The following F5 variants were observed in gnomAD, a reference collection of about 807,000 sequenced individuals.
F5 encodes coagulation factor V.
Under a neutral mutation model 216.4 loss-of-function variants are expected in F5, and 138 were observed. The observed-to-expected ratio is 0.64, with a 90% CI of 0.56 to 0.73. F5 has a LOEUF of 0.73. F5 is among the 30% of genes least tolerant of loss of function. The pLI is 0.00. For synonymous variants in F5, 916 were observed against 930.7 expected, an observed-to-expected ratio of 0.98 and a Z score of 0.29; for missense variants, 2,403 against 2,674.0, an observed-to-expected ratio of 0.90 and a Z score of 2.24.
At chr1:169,543,943 T>C (rs771815218) in intron 12 of F5, among the ~76,000 whole-genome samples, 1 of 152,188 alleles carries the variant, frequency 6.6e-6, no homozygotes, top group Non-Finnish European at 1.5e-5. Flanking sequence ...TACCTGATGA[T>C]TGAAGATGAC....
chr1:169,559,818 A>G (rs558980050), intron 4 of F5, among the ~76,000 whole-genome samples: 1 of 152,318 alleles, frequency 6.6e-6, no homozygotes, highest in African/African-American at 2.4e-5. Flanking sequence ...CCATCACAGT[A>G]TCTTATATAT....
intron 23 of F5, 110 bp downstream of exon 23, chr1:169,518,302 G>C: frequency 3.3e-5 from 44 of 1,333,098 alleles, no homozygotes; most frequent in Non-Finnish European, 4.6e-5. Context: ...TTAATCTGCA[G>C]AAACAGATTA....
intron 4 of F5, 39 bp downstream of exon 4, chr1:169,560,515 A>G (rs767561494): frequency 4.4e-6 from 7 of 1,599,598 alleles, no homozygotes; most frequent in Non-Finnish European, 6.0e-6. Context: ...GACCATTCCA[A>G]CATTTAGTTG....
chr1:169,544,403 G>T lies in F5; in HGVS notation c.1868C>A (p.Thr623Asn), dbSNP rs375755399. 7 of 1,614,124 alleles carry T rather than the reference G, an allele frequency of 4.3e-6. No homozygotes were observed. Among genetic ancestry groups the T allele is most frequent in the South Asian group, 1.1e-5 (1 of 91,080 alleles). Residue 623 changes from threonine to asparagine, a missense_variant, in exon 12 of 25, where the codon ACC (threonine) becomes AAC (asparagine). By Grantham distance (65) the Thr-to-Asn change is moderately conservative (BLOSUM62 0). Around this residue, in one of 4 missense-constraint regions of F5, gnomAD observed 1,425 missense variants for 1,554.8 expected, o/e 0.92. Coordinates refer to ENST00000367797, the MANE Select transcript of F5 (RefSeq NM_000130.5). ...CSVGTQNEIL[T>N]IHFTGHSFIY... The stretch of plus-strand genomic sequence containing the variant: ...GAATGAGTGCCCAGTGAAGTGGATG[G>T]TCAAAATTTCATTCTGGGTCCCCAC...
At chr1:169,552,853 A>T (rs1660205679) in intron 7 of F5, 119 bp from the exon 8 acceptor site, 1 of 769,548 alleles carries the variant, frequency 1.3e-6, no homozygotes, top group Non-Finnish European at 2.1e-6. Flanking sequence ...AGTTCTCTAA[A>T]AATTTCTTAG....
intron 21 of F5, among the ~76,000 whole-genome samples, chr1:169,522,551 G>T (rs564051002): frequency 1.3e-4 from 20 of 152,138 alleles, no homozygotes; most frequent in African/African-American, 4.6e-4. Flanking sequence ...CTAATAAACA[G>T]TAAATAATTT....
In F5 at chr1:169,586,374, A is replaced by C. The variant is rs1415199023; in HGVS notation, c.13T>G (p.Cys5Gly). ...ACCACCAGGACCCAGAGGCGTGGGC[A>C]GCCTGGGAACATGCTTCCTTTCCTG... Reference protein sequence around the residue: MFPGCPRLWVLVVLG... With the variant: MFPGGPRLWVLVVLG... Residue 5 changes from cysteine to glycine, a missense_variant, in exon 1 of 25, where the codon TGC becomes GGC. By Grantham distance (159) the Cys-to-Gly change is radical (BLOSUM62 -3). Coordinates refer to ENST00000367797, the MANE Select transcript of F5 (RefSeq NM_000130.5). The C allele has an allele frequency of 6.2e-6, 10 of 1,613,468 alleles. No homozygotes were observed. The highest frequency in any genetic ancestry group is 8.5e-6 in the Non-Finnish European group (10 of 1,179,926).
At position 169,552,748 on chromosome 1, in the gene F5, A is replaced by T. The variant is rs1660202802; in HGVS notation, c.1119-14T>A. 1 of 1,560,050 alleles carries T rather than the reference A, an allele frequency of 6.4e-7. No individual in the cohort carries two copies. Among genetic ancestry groups the T allele is most frequent in the East Asian group, 2.3e-5 (1 of 44,222 alleles). On this transcript the variant is annotated splice_polypyrimidine_tract_variant and intron_variant, in intron 7 of 24. Transcript: ENST00000367797. ...GACCTGTATTTTCTTAAAGTGAAGTAAAAAAAAATTAAACCACTTTCTCAA... is the reference window on the plus strand; with the variant it reads ...GACCTGTATTTTCTTAAAGTGAAGTTAAAAAAAATTAAACCACTTTCTCAA...
At chr1:169,553,070 G>A (rs1027627332) in intron 7 of F5, among the ~76,000 whole-genome samples, 1 of 152,188 alleles carries the variant, frequency 6.6e-6, no homozygotes, top group Non-Finnish European at 1.5e-5. Flanking sequence ...TTTTTCTAAA[G>A]TCTGTCCTAT....
chr1:169,540,642 G>A lies in F5; in HGVS notation c.4448C>T (p.Pro1483Leu). ...TGGCATCTGACCAAGGTCTGGATAA[G>A]GAAAAGACTCATTAAATTCTTGAAG... ...LLLQEFNESF[P>L]YPDLGQMPSP... Residue 1483 changes from proline (P) to leucine (L), a missense_variant, in exon 13 of 25, where the codon CCT becomes CTT. Pro to Leu is a moderately conservative substitution (Grantham distance 98, BLOSUM62 -3). Transcript: ENST00000367797. 6.2e-7 allele frequency: 1 copy of A among 1,613,920 alleles called. No homozygotes were observed. Among genetic ancestry groups the A allele is most frequent in the Non-Finnish European group, 8.5e-7 (1 of 1,179,924 alleles).
At chr1:169,515,334 A>G (rs1376658635) in intron 24 of F5, 110 bp downstream of exon 24, 4 of 1,277,904 alleles carry the variant, frequency 3.1e-6, no homozygotes. Context: ...GATTTAGAAG[A>G]CTTAAAGAGG....
intron 15 of F5, among the ~76,000 whole-genome samples, chr1:169,530,216 T>C (rs1021767620): frequency 2.0e-5 from 3 of 152,330 alleles, no homozygotes; most frequent in African/African-American, 7.2e-5. Flanking sequence ...TGTTATCTCA[T>C]TTTTAACTTC....
intron 21 of F5, among the ~76,000 whole-genome samples, chr1:169,522,439 C>T (rs1322150646): frequency 6.6e-6 from 1 of 152,162 alleles, no homozygotes; most frequent in Non-Finnish European, 1.5e-5. Flanking sequence ...ATGGACTCAA[C>T]TGCAATCTGT....
At chr1:169,525,267 G>T (rs898860845) in intron 18 of F5, among the ~76,000 whole-genome samples, 2 of 152,044 alleles carry the variant, frequency 1.3e-5, no homozygotes, top group African/African-American at 2.4e-5. Flanking sequence ...GAGGCCGAGG[G>T]GGGAGGATTA....
At chr1:169,526,853 T>G (rs1659464485) in intron 17 of F5, among the ~76,000 whole-genome samples, 2 of 151,264 alleles carry the variant, frequency 1.3e-5, no homozygotes, top group South Asian at 4.1e-4. Flanking sequence ...TTTAATACAA[T>G]AAATTATCTA....
rs1305895983 is a variant in F5 at position 169,572,296 on chromosome 1, C to A, written c.298G>T (p.Val100Phe). 1 of 1,613,316 alleles carries A rather than the reference C, an allele frequency of 6.2e-7. No homozygotes were observed. The change falls in exon 3 of 25, where the codon GTT becomes TTT. Residue 100 changes from valine to phenylalanine, a missense_variant. Coordinates refer to ENST00000367797, the MANE Select transcript of F5 (RefSeq NM_000130.5). ...LYAEVGDIIK[V>F]HFKNKADKPL... ...TTATCTGCCTTATTTTTAAAGTGAA[C>A]TTTTATGATGTCTCCGACTTCAGCA...
At chr1:169,550,883 G>A (rs964192109) in intron 8 of F5, 144 bp from the exon 9 acceptor site, 12 of 665,914 alleles carry the variant, frequency 1.8e-5, no homozygotes, top group Non-Finnish European at 2.2e-5. Flanking sequence ...CTGTTTATCT[G>A]AGCAGTAACC....
At chr1:169,535,452 T>C (rs1659682767) in intron 14 of F5, among the ~76,000 whole-genome samples, 1 of 152,186 alleles carries the variant, frequency 6.6e-6, no homozygotes, top group Non-Finnish European at 1.5e-5. Context: ...ATGAATTGTA[T>C]AGTGGTGAAG....
chr1:169,542,001 C>T lies in F5; in HGVS notation c.3089G>A (p.Arg1030Gln), dbSNP rs758795781. Residue 1030 changes from arginine to glutamine, a missense_variant, in exon 13 of 25, where the codon CGA (arginine) becomes CAA (glutamine). Physicochemically the swap from Arg to Gln is conservative, Grantham distance 43 (BLOSUM62 1). Transcript: ENST00000367797. ...LKKSQFLIKT[R>Q]KKKKEKHTHH... Reference sequence around the variant, plus strand: ...TGTGTGCTTCTCTTTTTTCTTTTTTCGTGTCTTAATGAGAAACTGGCTTTT... The same window carrying T: ...TGTGTGCTTCTCTTTTTTCTTTTTTTGTGTCTTAATGAGAAACTGGCTTTT... The T allele has an allele frequency of 1.9e-5, 30 of 1,613,642 alleles. No homozygotes were observed. Among genetic ancestry groups the T allele is most frequent in the East Asian group, 4.5e-5 (2 of 44,888 alleles).
Sources: allele counts gnomAD v4.1 joint callset (sites outside exome capture counted in the v4.1 genomes callset), GRCh38; gene constraint gnomAD v4.1.1; regional missense constraint gnomAD v4.1.1; transcripts MANE v1.5; gene names NCBI Gene and HGNC (gene_info 2026-07-23, HGNC 2026-07-21).